HS3ST3A1: variants seen among roughly 807,000 people sequenced by gnomAD.
The protein encoded by HS3ST3A1 is heparan sulfate-glucosamine 3-sulfotransferase 3A1.
In HS3ST3A1, 19 loss-of-function variants were observed where a neutral mutation model predicts 25.7. That is an observed-to-expected ratio of 0.74 (90% confidence interval 0.52 to 1.08). The LOEUF is 1.08. HS3ST3A1 is among the 50% of genes least tolerant of loss of function. The pLI, the probability that HS3ST3A1 is intolerant of heterozygous loss-of-function variation, is 0.00. For missense variants in HS3ST3A1, 459 were observed against 594.3 expected (o/e 0.77, Z 2.37); for synonymous variants, 226 against 278.6 (o/e 0.81, Z 1.88).
intron 1 of HS3ST3A1, among the ~76,000 whole-genome samples, chr17:13,572,388 G>A (rs1032465199): frequency 2.0e-5 from 3 of 152,050 alleles, no homozygotes; most frequent in Non-Finnish European, 2.9e-5. Context: ...GTGACCGCTC[G>A]GACCACTTTC....
chr17:13,531,517 A>G (rs1171266048), intron 1 of HS3ST3A1, among the ~76,000 whole-genome samples: 13 of 152,128 alleles, frequency 8.5e-5, no homozygotes, highest in Admixed American at 3.3e-4. Context: ...TTGAATGGGA[A>G]AAAATGTTCA....
intron 1 of HS3ST3A1, among the ~76,000 whole-genome samples, chr17:13,590,966 G>A (rs1014242715): frequency 4.6e-5 from 7 of 152,042 alleles, no homozygotes; most frequent in Non-Finnish European, 1.0e-4. Flanking sequence ...CACTAGCCAC[G>A]GCACGCAGGC....
chr17:13,577,616 C>T (rs932421118), intron 1 of HS3ST3A1, among the ~76,000 whole-genome samples: 2 of 152,098 alleles, frequency 1.3e-5, no homozygotes, highest in East Asian at 3.9e-4. Context: ...CAACTGTAGG[C>T]TTGGAGGAAA....
intron 1 of HS3ST3A1, among the ~76,000 whole-genome samples, chr17:13,506,047 T>C (rs929875599): frequency 7.3e-6 from 1 of 136,806 alleles, no homozygotes; most frequent in Non-Finnish European, 1.6e-5. Context: ...AAAAAAAAAA[T>C]TGGATTTCTG....
chr17:13,558,040 C>T (rs933571586), intron 1 of HS3ST3A1, among the ~76,000 whole-genome samples: 3 of 152,048 alleles, frequency 2.0e-5, no homozygotes, highest in African/African-American at 7.2e-5. Context: ...GCAGATTCCG[C>T]AGAAATCTGA....
intron 1 of HS3ST3A1, among the ~76,000 whole-genome samples, chr17:13,519,904 G>C (rs550484942): frequency 2.6e-5 from 4 of 152,256 alleles, no homozygotes; most frequent in South Asian, 2.1e-4. Context: ...AAATATCAGA[G>C]AGTCTTCTCC....
chr17:13,510,321 C>A (rs1417664640), intron 1 of HS3ST3A1, among the ~76,000 whole-genome samples: 2 of 152,194 alleles, frequency 1.3e-5, no homozygotes, highest in Non-Finnish European at 2.9e-5. Flanking sequence ...ATTATCGAGT[C>A]TTTGCATATG....
At chr17:13,531,460 C>A (rs1281089016) in intron 1 of HS3ST3A1, among the ~76,000 whole-genome samples, 1 of 152,078 alleles carries the variant, frequency 6.6e-6, no homozygotes, top group Non-Finnish European at 1.5e-5. Flanking sequence ...GTTTTGTCCC[C>A]TTTAAAAGTG....
At chr17:13,503,173 C>CAAAAAAAAAA (rs144678351) in intron 1 of HS3ST3A1, among the ~76,000 whole-genome samples, 27 of 86,792 alleles carry the variant, frequency 3.1e-4, no homozygotes, top group East Asian at 6.4e-4. Flanking sequence ...GACTCCATCT[C>CAAAAAAAAAA]AAAAAAAAAA....
intron 1 of HS3ST3A1, among the ~76,000 whole-genome samples, chr17:13,598,418 A>C (rs1567634174): frequency 6.6e-6 from 1 of 152,164 alleles, no homozygotes; most frequent in Non-Finnish European, 1.5e-5. Flanking sequence ...TTTCCTATGT[A>C]ATTGAGTTAA....
chr17:13,600,640 C>T lies in HS3ST3A1; in HGVS notation c.490G>A (p.Gly164Ser), dbSNP rs1221318774. 5 of 1,594,284 alleles carry T rather than the reference C, an allele frequency of 3.1e-6. No individual in the cohort carries two copies. Among genetic ancestry groups the T allele is most frequent in the South Asian group, 1.1e-5 (1 of 89,504 alleles). Residue 164 changes from glycine (G) to serine (S), a missense_variant, in exon 1 of 2, where the codon GGC (glycine) becomes AGC (serine). Transcript: ENST00000284110. ...AGGAACTCCAGCAGCGCCCGCGTGC[C>T]GCCCTTCTTCACTCCGATGATGATG... is the stretch of plus-strand genomic sequence containing the variant. ...QAIIIGVKKGGTRALLEFLRV... is the reference protein window; with the variant it reads ...QAIIIGVKKGSTRALLEFLRV...
In HS3ST3A1 at chr17:13,600,628, G is replaced by C; in HGVS notation, c.502C>G (p.Leu168Val). The C allele has an allele frequency of 2.5e-6, 4 of 1,596,384 alleles. No homozygotes were observed. Among genetic ancestry groups the C allele is most frequent in the Non-Finnish European group, 3.4e-6 (4 of 1,176,578 alleles). ...IGVKKGGTRA[L>V]LEFLRVHPDV... ...GGGTGCACGCGCAGGAACTCCAGCA[G>C]CGCCCGCGTGCCGCCCTTCTTCACT... The change falls in exon 1 of 2, where the codon CTG becomes GTG. Residue 168 changes from leucine to valine, a missense_variant. Physicochemically the swap from Leu to Val is conservative, Grantham distance 32. This residue lies in a region of HS3ST3A1 where 346 missense variants were observed against 303.9 expected (regional missense o/e 1.14). Coordinates refer to ENST00000284110, the MANE Select transcript of HS3ST3A1 (RefSeq NM_006042.3).
At chr17:13,559,809 T>C (rs1286363242) in intron 1 of HS3ST3A1, among the ~76,000 whole-genome samples, 2 of 151,926 alleles carry the variant, frequency 1.3e-5, no homozygotes, top group East Asian at 3.9e-4. Context: ...AATGTGTAAA[T>C]ACACATTTTT....
rs181807457 is a variant in HS3ST3A1 at position 13,516,182 on chromosome 17, T to G, written c.600-19364A>C. Among the ~76,000 whole-genome samples, 177 of 152,168 alleles carry G rather than the reference T, an allele frequency of 1.2e-3. 1 individual carries two copies. The highest frequency in any genetic ancestry group is 3.9e-3 in the African/African-American group (163 of 41,520). On this transcript the variant is annotated intron_variant, in intron 1 of 1. Coordinates refer to ENST00000284110, the MANE Select transcript of HS3ST3A1 (RefSeq NM_006042.3). ...ACAATGAGCCAGGCATGGTGGCACGTGCCTGTAATCCCAGCTACTCGGAAG... is the reference window on the plus strand; with the variant it reads ...ACAATGAGCCAGGCATGGTGGCACGGGCCTGTAATCCCAGCTACTCGGAAG...
intron 1 of HS3ST3A1, among the ~76,000 whole-genome samples, chr17:13,588,377 A>G (rs1426607935): frequency 6.6e-6 from 1 of 152,192 alleles, no homozygotes; most frequent in African/African-American, 2.4e-5. Flanking sequence ...CCATGGGCAT[A>G]TAGGGTTAAA....
At chr17:13,585,176 T>G (rs1908218158) in intron 1 of HS3ST3A1, among the ~76,000 whole-genome samples, 1 of 148,252 alleles carries the variant, frequency 6.7e-6, no homozygotes, top group African/African-American at 2.5e-5. Context: ...TAAATACTCA[T>G]TTTTCTGTGC....
At chr17:13,593,486 G>A (rs1390984623) in intron 1 of HS3ST3A1, among the ~76,000 whole-genome samples, 2 of 152,182 alleles carry the variant, frequency 1.3e-5, no homozygotes, top group Non-Finnish European at 2.9e-5. Context: ...GGAGCCGTGA[G>A]CCAATATGAT....
At chr17:13,520,164 G>A (rs1279665004) in intron 1 of HS3ST3A1, among the ~76,000 whole-genome samples, 1 of 152,108 alleles carries the variant, frequency 6.6e-6, no homozygotes, top group Non-Finnish European at 1.5e-5. Context: ...TAAAAAGGCT[G>A]GTAAAGGTTC....
chr17:13,584,467 A>AAGGAAGGG (rs1355802268), intron 1 of HS3ST3A1, among the ~76,000 whole-genome samples: 1 of 129,384 alleles, frequency 7.7e-6, no homozygotes, highest in Non-Finnish European at 1.7e-5. Flanking sequence ...GGAAGGAAGG[A>AAGGAAGGG]AGGAAGGGAG....
Sources: allele counts gnomAD v4.1 joint callset (sites outside exome capture counted in the v4.1 genomes callset), GRCh38; gene constraint gnomAD v4.1.1; regional missense constraint gnomAD v4.1.1; transcripts MANE v1.5; gene names NCBI Gene and HGNC (gene_info 2026-07-23, HGNC 2026-07-21).